TENM1: variants seen among roughly 807,000 people sequenced by gnomAD.
TENM1 encodes teneurin-1.
In TENM1, 35 loss-of-function variants were observed where a neutral mutation model predicts 174.8. The ratio of observed to expected loss-of-function variants is 0.20; its 90% CI spans 0.15 to 0.27. TENM1 has a LOEUF of 0.27. Among genes scored for constraint, TENM1 ranks in the 10% least tolerant of loss-of-function variants. TENM1 has a pLI of 1.00. For missense variants in TENM1, 1,633 were observed against 2,130.1 expected (o/e 0.77, Z 4.59); for synonymous variants, 781 against 798.7 (o/e 0.98, Z 0.37).
rs930150140 is a variant in TENM1, at chrX:124,801,833, C to T, written c.536-64636G>A. ...TTTTCTGGAGAGGATTTTATTTCTC[C>T]TCCACTTATTAAGGTTAGTCTGGCT... On this transcript the variant is annotated intron_variant, in intron 3 of 31. Coordinates refer to ENST00000422452, the Ensembl canonical transcript of TENM1. Among the ~76,000 whole-genome samples, 3 of 111,408 alleles carry T rather than the reference C, an allele frequency of 2.7e-5. No individual in the cohort carries two copies. In the Admixed American group the frequency reaches 2.9e-4, roughly 11 times the overall value.
At chrX:124,767,146 T>A (rs1013865953) in intron 3 of TENM1, among the ~76,000 whole-genome samples, 1 of 111,651 alleles carries the variant, frequency 9.0e-6, no homozygotes, top group Non-Finnish European at 1.9e-5. Context: ...GTATTATACA[T>A]GCTTCCTTTG....
the TENM1 span, among the ~76,000 whole-genome samples, chrX:125,020,996 A>T: frequency 1.8e-5 from 2 of 109,149 alleles, no homozygotes; most frequent in Non-Finnish European, 3.8e-5. Context: ...CCCCATAGGT[A>T]TATAAGCATC....
At chrX:124,919,020 T>C (rs2057976622) in intron 1 of TENM1, among the ~76,000 whole-genome samples, 1 of 112,110 alleles carries the variant, frequency 8.9e-6, no homozygotes, top group South Asian at 3.7e-4. Flanking sequence ...AAAGCCATAC[T>C]TCCCCATATC....
the TENM1 span, among the ~76,000 whole-genome samples, chrX:125,186,797 A>G: frequency 9.0e-6 from 1 of 111,573 alleles, no homozygotes; most frequent in Non-Finnish European, 1.9e-5. Flanking sequence ...CCTTTATGGC[A>G]TGACGAATAG....
At chrX:124,735,334 C>T (rs938942765) in intron 4 of TENM1, among the ~76,000 whole-genome samples, 4 of 111,890 alleles carry the variant, frequency 3.6e-5, no homozygotes, top group Non-Finnish European at 7.5e-5. Flanking sequence ...AAGTGGTCAA[C>T]AAACAGATGA....
At chrX:124,484,524 C>T (rs2046912846) in intron 21 of TENM1, among the ~76,000 whole-genome samples, 1 of 112,003 alleles carries the variant, frequency 8.9e-6, no homozygotes, top group African/African-American at 3.2e-5. Context: ...TTATTTATAT[C>T]AGTATGGACT....
intron 23 of TENM1, among the ~76,000 whole-genome samples, chrX:124,450,359 C>A (rs1008209373): frequency 7.8e-4 from 60 of 77,220 alleles, no homozygotes; most frequent in East Asian, 3.0e-3. Context: ...GACTCCGTCT[C>A]AAAAAAAAAA....
intron 1 of TENM1, among the ~76,000 whole-genome samples, chrX:124,916,685 A>G (rs1264006535): frequency 9.0e-6 from 1 of 111,354 alleles, no homozygotes; most frequent in African/African-American, 3.3e-5. Context: ...CTTCACCCTC[A>G]TGACTGGATT....
the TENM1 span, among the ~76,000 whole-genome samples, chrX:125,176,168 G>A: frequency 9.0e-6 from 1 of 111,452 alleles, no homozygotes; most frequent in Non-Finnish European, 1.9e-5. Context: ...TGTATAATAG[G>A]ACTATATTTT....
At position 124,436,497 on chromosome X, in the gene TENM1, C is replaced by CT. The variant is rs1245308655; in HGVS notation, c.4105-13860dup. ...ACCAGAAGCAACCAGCTGGCATCTT[C>CT]TTTTTTTTTTTTTTGAGACTGAGTC... On this transcript the variant is annotated intron_variant, in intron 23 of 31. Transcript: ENST00000422452. Among the ~76,000 whole-genome samples, 683 of 100,914 alleles carry CT rather than the reference C, an allele frequency of 6.8e-3. 6 individuals carry two copies. The highest frequency in any genetic ancestry group is 0.019 in the African/African-American group (545 of 28,070). The allele number at this position is 100,914 out of a possible 115,157, so 87.6% of individuals were successfully genotyped here. A position where few individuals can be genotyped will look rare whatever the true frequency, so the allele number is the denominator to read the frequency against.
the TENM1 span, among the ~76,000 whole-genome samples, chrX:125,182,093 A>G: frequency 5.4e-5 from 6 of 110,713 alleles, no homozygotes; most frequent in African/African-American, 1.6e-4. Context: ...GCATGGCTGA[A>G]TTCTTTCCTG....
intron 11 of TENM1, among the ~76,000 whole-genome samples, chrX:124,589,134 A>G (rs1240141461): frequency 9.4e-6 from 1 of 106,494 alleles, no homozygotes; most frequent in African/African-American, 3.4e-5. Flanking sequence ...TGGAGTTTAT[A>G]AAAAGCTTTT....
At chrX:124,744,729 T>C (rs1382658115) in intron 3 of TENM1, among the ~76,000 whole-genome samples, 1 of 112,082 alleles carries the variant, frequency 8.9e-6, no homozygotes, top group African/African-American at 3.2e-5. Flanking sequence ...TGCAGGTAGG[T>C]AATGGAGGGT....
At chrX:125,154,610 TTGG>T in the TENM1 span, among the ~76,000 whole-genome samples, 1 of 111,566 alleles carries the variant, frequency 9.0e-6, no homozygotes, top group Non-Finnish European at 1.9e-5. Flanking sequence ...GTGTCCGGAA[TTGG>T]TGGGTTCTTG....
chrX:125,147,172 AT>A, the TENM1 span, among the ~76,000 whole-genome samples: 3 of 109,348 alleles, frequency 2.7e-5, no homozygotes, highest in Admixed American at 2.0e-4. Context: ...GTGTATATAT[AT>A]CACATATATG....
intron 21 of TENM1, among the ~76,000 whole-genome samples, chrX:124,484,714 T>C (rs187079996): frequency 6.6e-4 from 73 of 110,882 alleles, no homozygotes; most frequent in African/African-American, 2.2e-3. Context: ...TACCAGATGC[T>C]CTGGGCTCAT....
At chrX:124,952,227 C>A (rs1180892751) in intron 1 of TENM1, among the ~76,000 whole-genome samples, 1 of 110,587 alleles carries the variant, frequency 9.0e-6, no homozygotes, top group African/African-American at 3.3e-5. Flanking sequence ...TTTTGCCTTT[C>A]CATTATCATA....
intron 3 of TENM1, among the ~76,000 whole-genome samples, chrX:124,758,300 T>C (rs2054318341): frequency 8.9e-6 from 1 of 112,041 alleles, no homozygotes; most frequent in African/African-American, 3.2e-5. Flanking sequence ...TCAATGTCAC[T>C]AATCATCAGC....
At chrX:124,838,369 T>C (rs2056432216) in intron 3 of TENM1, among the ~76,000 whole-genome samples, 1 of 112,162 alleles carries the variant, frequency 8.9e-6, no homozygotes, top group Admixed American at 9.5e-5. Flanking sequence ...AAACTCAGTT[T>C]TCCATAATTT....
Sources: allele counts gnomAD v4.1 joint callset (sites outside exome capture counted in the v4.1 genomes callset), GRCh38; gene constraint gnomAD v4.1.1; transcripts MANE v1.5; gene names NCBI Gene and HGNC (gene_info 2026-07-23, HGNC 2026-07-21).